Variants in PTER observed in about 807,000 individuals in gnomAD.
PTER encodes phosphotriesterase related.
PTER carries 38 observed loss-of-function variants against 29.6 expected under a neutral mutation model. That is an observed-to-expected ratio of 1.28 (90% CI 0.99 to 1.68). The LOEUF (loss-of-function observed/expected upper bound fraction) is 1.68, where lower values mean the gene tolerates loss of function less well. PTER is among the 40% of genes most tolerant of loss of function. The pLI is 0.00. For synonymous variants in PTER, 172 were observed against 154.5 expected, an observed-to-expected ratio of 1.11 and a Z score of -0.84; for missense variants, 482 against 427.8, an observed-to-expected ratio of 1.13 and a Z score of -1.12.
intron 1 of PTER, among the ~76,000 whole-genome samples, chr10:16,461,228 C>G (rs1482131557): frequency 6.6e-6 from 1 of 151,902 alleles, no homozygotes; most frequent in East Asian, 1.9e-4. Context: ...CTAGAGGAAC[C>G]TTTCTAAATA....
At chr10:16,514,620 C>T, downstream of PTER, 1 of 1,613,926 alleles carries the variant, frequency 6.2e-7, no homozygotes, top group Non-Finnish European at 8.5e-7. Context: ...ATATAGACTT[C>T]ATCTCCCGGC....
rs373923894 is a variant in PTER, at chr10:16,483,424, G to A, written c.-48-913G>A. Among the ~76,000 whole-genome samples the A allele has an allele frequency of 3.3e-5, 5 of 152,284 alleles. No individual in the cohort carries two copies. The East Asian group carries it at 5.8e-4, about 18-fold the overall frequency. On this transcript the variant is annotated intron_variant, in intron 1 of 4. Coordinates refer to ENST00000535784, the MANE Select transcript of PTER (RefSeq NM_001261836.2). ...CCGAGTGTGCTCCTCAGTTGTTTTG[G>A]GGAGGGGCATATTCTATGAAGTCGT...
chr10:16,495,434 T>A (rs943251053), intron 3 of PTER, among the ~76,000 whole-genome samples: 1 of 152,232 alleles, frequency 6.6e-6, no homozygotes, highest in Non-Finnish European at 1.5e-5. Flanking sequence ...CCTCCCAAAG[T>A]GCTGGGAGTA....
intron 3 of PTER, among the ~76,000 whole-genome samples, chr10:16,501,371 GCACACACACACACA>G (rs377037547): frequency 2.8e-5 from 1 of 36,208 alleles, no homozygotes; most frequent in East Asian, 1.8e-3. Context: ...ACACACACAT[GCACACACACACACA>G]CACACCCCAT....
intron 1 of PTER, among the ~76,000 whole-genome samples, chr10:16,459,822 A>C (rs985601499): frequency 2.0e-5 from 3 of 152,254 alleles, no homozygotes; most frequent in Non-Finnish European, 2.9e-5. Context: ...ATCTTGGCTC[A>C]CCACAACCTC....
intron 2 of PTER, 106 bp from the exon 3 acceptor site, chr10:16,486,246 T>G: frequency 2.4e-6 from 3 of 1,272,700 alleles, no homozygotes; most frequent in Non-Finnish European, 3.2e-6. Context: ...AATACATTTT[T>G]AAAAGAATGA....
chr10:16,468,386 T>A (rs905206191), intron 1 of PTER, among the ~76,000 whole-genome samples: 5 of 147,736 alleles, frequency 3.4e-5, no homozygotes, highest in African/African-American at 1.3e-4. Context: ...TTTTTTTTTT[T>A]AGTGACTTTT....
At chr10:16,487,663 A>G (rs565210248) in intron 3 of PTER, among the ~76,000 whole-genome samples, 2 of 152,324 alleles carry the variant, frequency 1.3e-5, no homozygotes, top group Admixed American at 1.3e-4. Flanking sequence ...TGACTAAATG[A>G]AGAAATGCCA....
chr10:16,482,220 C>T (rs1052240797), intron 1 of PTER, among the ~76,000 whole-genome samples: 6 of 152,194 alleles, frequency 3.9e-5, no homozygotes, highest in African/African-American at 1.4e-4. Context: ...CACCTGAGTT[C>T]CAGATAATTG....
At chr10:16,456,479 C>G (rs900426786) in intron 1 of PTER, among the ~76,000 whole-genome samples, 2 of 152,138 alleles carry the variant, frequency 1.3e-5, no homozygotes, top group African/African-American at 2.4e-5. Flanking sequence ...ACTGTTGTTG[C>G]AACTATGAAA....
At chr10:16,460,672 T>C (rs1463123079) in intron 1 of PTER, among the ~76,000 whole-genome samples, 1 of 152,218 alleles carries the variant, frequency 6.6e-6, no homozygotes, top group Non-Finnish European at 1.5e-5. Flanking sequence ...AAACTTTCTT[T>C]TTTTATTTAA....
chr10:16,446,536 A>G (rs1834019089), intron 1 of PTER, among the ~76,000 whole-genome samples: 1 of 152,114 alleles, frequency 6.6e-6, no homozygotes, highest in Admixed American at 6.5e-5. Flanking sequence ...TTCAAGTTAG[A>G]AGTTCAAGTT....
In PTER at chr10:16,486,418, A is replaced by G. The variant is rs1199109521; in HGVS notation, c.499A>G (p.Ile167Val). The G allele has an allele frequency of 6.2e-7, 1 of 1,614,004 alleles. No individual in the cohort carries two copies. Among genetic ancestry groups the G allele is most frequent in the Admixed American group, 1.7e-5 (1 of 59,998 alleles). Reference protein sequence around the residue: ...ADGTSIKCGIIGEIGCSWPLT... With the variant: ...ADGTSIKCGIVGEIGCSWPLT... ...TGGAACCAGTATCAAGTGTGGCATT[A>G]TTGGAGAAATTGGTTGCTCCTGGCC... Residue 167 changes from isoleucine to valine, a missense_variant, in exon 3 of 5, where the codon ATT (isoleucine) becomes GTT (valine). Coordinates refer to ENST00000535784, the MANE Select transcript of PTER (RefSeq NM_001261836.2).
At position 16,512,165 on chromosome 10, in the gene PTER, A is replaced by G. The variant is rs1836837033; in HGVS notation, c.*909A>G. Reference sequence around the variant, plus strand: ...GAGAAAATAATGCTTATGTATCTGAAGAAAAGGTCAGATCTATTGGAAATG... The same window carrying G: ...GAGAAAATAATGCTTATGTATCTGAGGAAAAGGTCAGATCTATTGGAAATG... On this transcript the variant is annotated 3_prime_UTR_variant, in exon 5 of 5. Coordinates refer to ENST00000535784, the MANE Select transcript of PTER (RefSeq NM_001261836.2). 1 of 152,176 alleles carries G rather than the reference A, an allele frequency of 6.6e-6. No individual in the cohort carries two copies. Among genetic ancestry groups the G allele is most frequent in the Non-Finnish European group, 1.5e-5 (1 of 67,976 alleles). The allele number at this position is 152,176 out of a possible 1,614,324, so 9.4% of individuals were successfully genotyped here. A position where few individuals can be genotyped will look rare whatever the true frequency, so the allele number is the denominator to read the frequency against.
chr10:16,511,044 AG>A lies in PTER; in HGVS notation c.841del. The stretch of plus-strand genomic sequence containing the variant: ...CATCTAATGAGTTAACATTTTTCAC[AG>A]GGTGCGTCTCCTGGTGGAAGAGGGC... On this transcript the variant is annotated splice_acceptor_variant, in intron 4 of 4. Coordinates refer to ENST00000535784, the MANE Select transcript of PTER (RefSeq NM_001261836.2). LOFTEE classifies it high-confidence loss of function. 6.2e-7 allele frequency: 1 copy of A among 1,610,482 alleles called. No individual in the cohort carries two copies. The highest frequency in any genetic ancestry group is 8.5e-7 in the Non-Finnish European group (1 of 1,178,104).
rs1460601114 is a variant in PTER at position 16,512,532 on chromosome 10, G to A, written c.*1276G>A. 4 of 152,060 alleles carry A rather than the reference G, an allele frequency of 2.6e-5. No homozygotes were observed. Among genetic ancestry groups the A allele is most frequent in the Non-Finnish European group, 5.9e-5 (4 of 67,968 alleles). 9.4% of individuals were successfully genotyped at this position (152,060 alleles called of 1,614,324 possible). On this transcript the variant is annotated 3_prime_UTR_variant, in exon 5 of 5. Transcript: ENST00000535784. ...TCATAAAAATCATGACAGTTACTCA[G>A]ACCCAGGCATTTCAACAGAGCTAAC...
intron 1 of PTER, among the ~76,000 whole-genome samples, chr10:16,468,122 A>T (rs921134192): frequency 2.6e-5 from 4 of 152,174 alleles, no homozygotes; most frequent in Non-Finnish European, 5.9e-5. Flanking sequence ...CAGGCGGATC[A>T]CTTTAGGTCA....
chr10:16,501,077 C>T (rs777011641), intron 3 of PTER, among the ~76,000 whole-genome samples: 5 of 152,070 alleles, frequency 3.3e-5, no homozygotes, highest in African/African-American at 4.8e-5. Context: ...GACTGCAGCA[C>T]GTGCCACCAC....
At chr10:16,500,313 G>C (rs1357269755) in intron 3 of PTER, among the ~76,000 whole-genome samples, 1 of 151,462 alleles carries the variant, frequency 6.6e-6, no homozygotes, top group Non-Finnish European at 1.5e-5. Context: ...GCAGCAGTGC[G>C]ACCATAGCTC....
Sources: gnomAD v4.1 joint callset for allele counts (sites outside exome capture counted in the v4.1 genomes callset) on GRCh38, gnomAD v4.1.1 for gene constraint, MANE v1.5 for transcripts, NCBI Gene and HGNC (gene_info 2026-07-23, HGNC 2026-07-21) for gene names.